Variants in BAZ2B observed in about 807,000 individuals in gnomAD.
The protein encoded by BAZ2B is bromodomain adjacent to zinc finger domain protein 2B.
Under a neutral mutation model 246.0 loss-of-function variants are expected in BAZ2B, and 91 were observed. The observed-to-expected ratio is 0.37, with a 90% CI of 0.31 to 0.44. The LOEUF (loss-of-function observed/expected upper bound fraction) is 0.44, where lower values mean the gene tolerates loss of function less well. BAZ2B is among the 20% of genes least tolerant of loss of function. The pLI is 1.00. For missense variants in BAZ2B, 2,332 were observed against 2,533.7 expected, an observed-to-expected ratio of 0.92 and a Z score of 1.71; for synonymous variants, 855 against 860.0, an observed-to-expected ratio of 0.99 and a Z score of 0.10.
At chr2:159,589,221 T>C (rs571070950) in intron 1 of BAZ2B, among the ~76,000 whole-genome samples, 3 of 152,272 alleles carry the variant, frequency 2.0e-5, no homozygotes, top group African/African-American at 7.2e-5. Flanking sequence ...GAGTGTGAAT[T>C]CCACATTGTA....
intron 2 of BAZ2B, among the ~76,000 whole-genome samples, chr2:159,512,694 T>C (rs1411299758): frequency 2.0e-5 from 3 of 152,166 alleles, no homozygotes; most frequent in East Asian, 3.8e-4. Context: ...AAAAAGATGA[T>C]GATAATAGCA....
intron 24 of BAZ2B, 134 bp from the exon 25 acceptor site, chr2:159,382,936 A>ATTTT (rs2062172686): frequency 8.3e-7 from 1 of 1,206,488 alleles, no homozygotes; most frequent in Admixed American, 3.0e-5. Context: ...CAATGTTAAA[A>ATTTT]AAAATTAGAA....
chr2:159,676,987 T>A, the BAZ2B span, among the ~76,000 whole-genome samples: 3 of 127,886 alleles, frequency 2.3e-5, no homozygotes, highest in African/African-American at 8.9e-5. Context: ...TATATATATA[T>A]ATATATATTA....
rs549562800 is a variant in BAZ2B, at chr2:159,383,106, A to G, written c.3762-304T>C. Among the ~76,000 whole-genome samples the G allele has an allele frequency of 2.6e-5, 4 of 152,274 alleles. No homozygotes were observed. In the East Asian group the frequency reaches 7.7e-4, roughly 29 times the overall value. ...AGTAATAATTTCTGATCCCATACTA[A>G]CTGACTGAATAAATTTCAATTCAAA... On this transcript the variant is annotated intron_variant, in intron 24 of 36. Transcript: ENST00000392783.
rs545212140 is a variant in BAZ2B, at chr2:159,440,948, A to G, written c.697-1736T>C. Among the ~76,000 whole-genome samples, 2 of 152,292 alleles carry G rather than the reference A, an allele frequency of 1.3e-5. 1 individual carries two copies. Among genetic ancestry groups the G allele is most frequent in the African/African-American group, 4.8e-5 (2 of 41,572 alleles). ...CAAAGTAGGGCAGACAGGAACGAGA[A>G]ACTGAATTGGAATTGTATGGGTACC... On this transcript the variant is annotated intron_variant, in intron 6 of 36. Coordinates refer to ENST00000392783, the MANE Select transcript of BAZ2B (RefSeq NM_013450.4).
chr2:159,453,813 A>G lies in BAZ2B; in HGVS notation c.146-12T>C, dbSNP rs760190292. 7.0e-6 allele frequency: 11 copies of G among 1,572,430 alleles called. No homozygotes were observed. The Admixed American group carries it at 2.0e-4, about 28-fold the overall frequency. On this transcript the variant is annotated splice_polypyrimidine_tract_variant and intron_variant, in intron 3 of 36. Coordinates refer to ENST00000392783, the MANE Select transcript of BAZ2B (RefSeq NM_013450.4). The stretch of plus-strand genomic sequence containing the variant: ...TCTGAATAAATGTCCTGGGAGGGAA[A>G]AAAACACACTTAAAGTTGTACTATA...
downstream of BAZ2B, among the ~76,000 whole-genome samples, chr2:159,317,947 G>A (rs565840234): frequency 2.0e-5 from 3 of 152,228 alleles, no homozygotes; most frequent in South Asian, 6.2e-4. Context: ...TACCTCTGCT[G>A]AGTAACAACA....
intron 14 of BAZ2B, chr2:159,412,084 AG>A (rs976841443): frequency 5.4e-5 from 27 of 501,090 alleles, no homozygotes; most frequent in African/African-American, 4.2e-4. Flanking sequence ...AAGCCTTAAA[AG>A]CTTAACACCC....
rs991973729 is a variant in BAZ2B, at chr2:159,429,218, C to T, written c.2237G>A (p.Arg746His). 2.5e-5 allele frequency: 39 copies of T among 1,559,510 alleles called. No homozygotes were observed. The highest frequency in any genetic ancestry group is 1.0e-4 in the South Asian group (8 of 79,718). ...TGCATACCCATATTCCAATGGAATA[C>T]GCAGTTCACGTTCATCTGTTACTCT... ...RRRVTDERELRIPLEYGWQRE... is the reference protein window; with the variant it reads ...RRRVTDERELHIPLEYGWQRE... The change falls in exon 11 of 37, where the codon CGT becomes CAT. Residue 746 changes from arginine to histidine, a missense_variant. Arg to His is a conservative substitution (Grantham distance 29). Transcript: ENST00000392783.
intron 17 of BAZ2B, among the ~76,000 whole-genome samples, chr2:159,400,053 T>C (rs1170005248): frequency 1.3e-5 from 2 of 152,210 alleles, no homozygotes; most frequent in African/African-American, 2.4e-5. Context: ...TTCCTATATA[T>C]GCTAGCTGAA....
chr2:159,581,299 C>G (rs1465524167), intron 1 of BAZ2B, among the ~76,000 whole-genome samples: 2 of 152,146 alleles, frequency 1.3e-5, no homozygotes, highest in African/African-American at 4.8e-5. Flanking sequence ...GACATTTATG[C>G]AGCCAACAGA....
chr2:159,325,428 G>A (rs1219020069), intron 35 of BAZ2B, among the ~76,000 whole-genome samples: 2 of 151,266 alleles, frequency 1.3e-5, no homozygotes, highest in African/African-American at 4.9e-5. Context: ...GCTGTGCCAG[G>A]CCCAATTATA....
intron 2 of BAZ2B, among the ~76,000 whole-genome samples, chr2:159,489,409 C>A (rs2080199672): frequency 6.6e-6 from 1 of 151,958 alleles, no homozygotes; most frequent in Non-Finnish European, 1.5e-5. Context: ...TAAAACTGAC[C>A]CAGGGACCTG....
chr2:159,352,744 C>A (rs2058692467), intron 27 of BAZ2B, among the ~76,000 whole-genome samples: 2 of 152,206 alleles, frequency 1.3e-5, no homozygotes, highest in African/African-American at 4.8e-5. Context: ...AGATTACAGG[C>A]ATGAGCTTTG....
chr2:159,345,046 C>T (rs2067530857), intron 31 of BAZ2B, among the ~76,000 whole-genome samples: 1 of 151,920 alleles, frequency 6.6e-6, no homozygotes, highest in African/African-American at 2.4e-5. Flanking sequence ...CCTGTCTCTA[C>T]TAAAAATACA....
chr2:159,458,494 T>G (rs2150556328), intron 3 of BAZ2B: 1 of 151,720 alleles, frequency 6.6e-6, no homozygotes, highest in African/African-American at 2.4e-5. Flanking sequence ...CCCGGCTAAT[T>G]TTTTGTATTT....
chr2:159,680,046 A>T, the BAZ2B span, among the ~76,000 whole-genome samples: 7 of 152,240 alleles, frequency 4.6e-5, no homozygotes, highest in Non-Finnish European at 8.8e-5. Flanking sequence ...GGAAAAAATT[A>T]TGTTCTGTAA....
intron 33 of BAZ2B, among the ~76,000 whole-genome samples, chr2:159,333,383 T>C (rs2065099606): frequency 6.6e-6 from 1 of 152,144 alleles, no homozygotes; most frequent in Non-Finnish European, 1.5e-5. Flanking sequence ...AAAATAAAAC[T>C]AGTTGTTTTC....
rs921112063 is a variant in BAZ2B at position 159,401,787 on chromosome 2, T to C, written c.2833-1123A>G. Among the ~76,000 whole-genome samples the C allele has an allele frequency of 5.3e-5, 8 of 152,144 alleles. 1 individual carries two copies. The highest frequency in any genetic ancestry group is 1.9e-4 in the African/African-American group (8 of 41,450). ...ATTCTATAAACACATTCTTAGCAAT[T>C]TCATGTTCCTTAATCCGTTCAAAAG... On this transcript the variant is annotated intron_variant, in intron 16 of 36. Transcript: ENST00000392783.
Sources: gnomAD v4.1 joint callset for allele counts (sites outside exome capture counted in the v4.1 genomes callset) on GRCh38, gnomAD v4.1.1 for gene constraint, MANE v1.5 for transcripts, NCBI Gene and HGNC (gene_info 2026-07-23, HGNC 2026-07-21) for gene names.